Variants in CRACDL observed in about 807,000 individuals in gnomAD.
The protein encoded by CRACDL is CRACD like, also known as CRACD-like protein.
In CRACDL, 26 loss-of-function variants were observed where a neutral mutation model predicts 70.6. The ratio of observed to expected loss-of-function variants is 0.37; its 90% CI spans 0.27 to 0.51. The LOEUF (loss-of-function observed/expected upper bound fraction) is 0.51, where lower values mean the gene tolerates loss of function less well. Among genes scored for constraint, CRACDL ranks in the 20% least tolerant of loss-of-function variants. The pLI is 0.94. For missense variants in CRACDL, 1,283 were observed against 1,376.9 expected, an observed-to-expected ratio of 0.93 and a Z score of 1.08; for synonymous variants, 618 against 615.2, an observed-to-expected ratio of 1.00 and a Z score of -0.07.
intron 1 of CRACDL, among the ~76,000 whole-genome samples, chr2:98,852,076 T>G (rs578123951): frequency 2.6e-5 from 4 of 152,286 alleles, no homozygotes; most frequent in African/African-American, 7.2e-5. Context: ...CATAATCTTA[T>G]GGGCTTGATG....
chr2:98,820,778 G>A (rs1378444809), intron 7 of CRACDL, among the ~76,000 whole-genome samples: 1 of 152,204 alleles, frequency 6.6e-6, no homozygotes, highest in Non-Finnish European at 1.5e-5. Flanking sequence ...GCAAGTAAAT[G>A]CTGACCCTCT....
intron 1 of CRACDL, chr2:98,869,017 G>T: frequency 1.8e-6 from 2 of 1,135,422 alleles, no homozygotes; most frequent in Non-Finnish European, 1.2e-6. Context: ...CGGGAGTCAC[G>T]GCCTGGCCTC....
intron 1 of CRACDL, among the ~76,000 whole-genome samples, chr2:98,884,799 T>C (rs1336211476): frequency 6.6e-6 from 1 of 152,186 alleles, no homozygotes; most frequent in Non-Finnish European, 1.5e-5. Context: ...AACGCCTTCA[T>C]CTTGAACTTT....
chr2:98,813,588 T>C (rs1243487358), intron 7 of CRACDL, among the ~76,000 whole-genome samples: 2 of 152,216 alleles, frequency 1.3e-5, no homozygotes, highest in African/African-American at 4.8e-5. Flanking sequence ...AAAGGTGTCA[T>C]GGACTTAAAT....
At position 98,797,351 on chromosome 2, in the gene CRACDL, T is replaced by A; in HGVS notation, c.2603A>T (p.Gln868Leu). Residue 868 changes from glutamine (Q) to leucine (L), a missense_variant and splice_region_variant, in exon 8 of 10, where the codon CAG becomes CTG. Physicochemically the swap from Gln to Leu is moderately radical, Grantham distance 113 (BLOSUM62 -2). Transcript: ENST00000397899. ...GKQAKVPERGQEPVKQADFVR... is the reference protein window; with the variant it reads ...GKQAKVPERGLEPVKQADFVR... ...AACAGAAGTATTTGCTCTAAGCACC[T>A]GGCCTCTCTCGGGCACCTTGGCTTG... 1 of 1,614,130 alleles carries A rather than the reference T, an allele frequency of 6.2e-7. No homozygotes were observed. The highest frequency in any genetic ancestry group is 8.5e-7 in the Non-Finnish European group (1 of 1,179,974).
chr2:98,823,771 G>A lies in CRACDL; in HGVS notation c.736-234C>T, dbSNP rs1352816100. Among the ~76,000 whole-genome samples, 2 of 152,226 alleles carry A rather than the reference G, an allele frequency of 1.3e-5. No individual in the cohort carries two copies. The highest frequency in any genetic ancestry group is 2.9e-5 in the Non-Finnish European group (2 of 68,034). ...TATGCCTCCAAAGTAAATGTCTACA[G>A]CTCCTCTGGCAGAGCCTCAAAACCA... On this transcript the variant is annotated intron_variant, in intron 6 of 9. Transcript: ENST00000397899. This position sits in a 1 kb window ranked among gnomAD's most constrained non-coding sequence, Gnocchi z 4.0.
At chr2:98,811,968 G>T (rs1300103126) in intron 7 of CRACDL, among the ~76,000 whole-genome samples, 1 of 152,098 alleles carries the variant, frequency 6.6e-6, no homozygotes, top group Non-Finnish European at 1.5e-5. Context: ...AGTTTTGGGT[G>T]ATTATGTCAT....
At chr2:98,887,461 C>T (rs75199230) in intron 1 of CRACDL, among the ~76,000 whole-genome samples, 5,797 of 151,944 alleles carry the variant, frequency 0.038, 142 homozygotes, top group Middle Eastern at 0.071. Flanking sequence ...GCACTCCAGC[C>T]GGGGTGACAA....
At chr2:98,811,081 C>T (rs1428969932) in intron 7 of CRACDL, among the ~76,000 whole-genome samples, 2 of 152,066 alleles carry the variant, frequency 1.3e-5, no homozygotes, top group Non-Finnish European at 2.9e-5. Context: ...ATATGCATGC[C>T]CATCTTGTTG....
intron 1 of CRACDL, among the ~76,000 whole-genome samples, chr2:98,855,095 C>T (rs13002170): frequency 0.011 from 1,676 of 152,310 alleles, 20 homozygotes; most frequent in Admixed American, 0.018. Context: ...GCCTGGCCAA[C>T]ATGGTGAAAC....
intron 5 of CRACDL, among the ~76,000 whole-genome samples, chr2:98,828,851 G>A (rs879775843): frequency 5.3e-5 from 8 of 152,174 alleles, no homozygotes; most frequent in African/African-American, 1.9e-4. Flanking sequence ...TGTGCCTGTG[G>A]CTTTGGCTCT....
At chr2:98,813,441 A>T (rs796537770) in intron 7 of CRACDL, among the ~76,000 whole-genome samples, 15 of 152,228 alleles carry the variant, frequency 9.9e-5, no homozygotes, top group Middle Eastern at 6.8e-3. Flanking sequence ...TTAAAAAAAA[A>T]TTTTGCATCT....
chr2:98,915,569 T>C (rs1444305529), intron 1 of CRACDL, among the ~76,000 whole-genome samples: 1 of 151,934 alleles, frequency 6.6e-6, no homozygotes, highest in African/African-American at 2.4e-5. Flanking sequence ...GGGACAGCCA[T>C]CAGCTCTGCC....
At chr2:98,919,708 A>T (rs1345131839) in intron 1 of CRACDL, among the ~76,000 whole-genome samples, 2 of 152,210 alleles carry the variant, frequency 1.3e-5, no homozygotes, top group Non-Finnish European at 2.9e-5. Flanking sequence ...TTCCATGGGC[A>T]TGTTGTCTAT....
intron 5 of CRACDL, among the ~76,000 whole-genome samples, chr2:98,831,970 T>C (rs1438891689): frequency 6.6e-6 from 1 of 151,984 alleles, no homozygotes; most frequent in African/African-American, 2.4e-5. Flanking sequence ...TGCTCACTAC[T>C]TCCCCCTCCC....
chr2:98,811,318 T>C (rs940626268), intron 7 of CRACDL, among the ~76,000 whole-genome samples: 1 of 151,870 alleles, frequency 6.6e-6, no homozygotes, highest in Non-Finnish European at 1.5e-5. Flanking sequence ...GAGACCATCC[T>C]GGCCAACATG....
At chr2:98,870,922 G>A (rs1223768303) in intron 1 of CRACDL, among the ~76,000 whole-genome samples, 1 of 152,218 alleles carries the variant, frequency 6.6e-6, no homozygotes, top group African/African-American at 2.4e-5. Flanking sequence ...ACTCCACACT[G>A]AGACAAAGTC....
chr2:98,904,860 T>G (rs913377210), intron 1 of CRACDL, among the ~76,000 whole-genome samples: 45 of 152,198 alleles, frequency 3.0e-4, no homozygotes, highest in African/African-American at 9.4e-4. Context: ...AGATGGGGCC[T>G]GGTGGGAAGC....
chr2:98,862,727 A>G (rs934164556), intron 1 of CRACDL, among the ~76,000 whole-genome samples: 1 of 152,178 alleles, frequency 6.6e-6, no homozygotes, highest in African/African-American at 2.4e-5. Context: ...AATGGAAATT[A>G]TCAAGTCTAA....
Sources: allele counts gnomAD v4.1 joint callset (sites outside exome capture counted in the v4.1 genomes callset), GRCh38; gene constraint gnomAD v4.1.1; non-coding constraint Gnocchi (gnomAD v3.1); transcripts MANE v1.5; gene names NCBI Gene and HGNC (gene_info 2026-07-23, HGNC 2026-07-21).